Variants in CNTN3 observed in about 807,000 individuals in gnomAD.
The protein encoded by CNTN3 is contactin 3.
A neutral mutation model predicts 119.1 loss-of-function variants in CNTN3; 60 were observed. The observed-to-expected ratio is 0.50, with a 90% CI of 0.41 to 0.62. The LOEUF (loss-of-function observed/expected upper bound fraction) is 0.62. CNTN3 is among the 20% of genes least tolerant of loss of function. CNTN3 has a pLI of 0.00. For missense variants in CNTN3, 1,101 were observed against 1,242.4 expected, an observed-to-expected ratio of 0.89 and a Z score of 1.71; for synonymous variants, 450 against 438.7, an observed-to-expected ratio of 1.03 and a Z score of -0.32.
chr3:74,607,093 GA>G (rs1426288888), intron 1 of CNTN3, among the ~76,000 whole-genome samples: 84 of 152,244 alleles, frequency 5.5e-4, no homozygotes, highest in African/African-American at 2.0e-3. Context: ...CTAGTAAGAA[GA>G]GAAAAATTAA....
intron 1 of CNTN3, among the ~76,000 whole-genome samples, chr3:74,552,159 A>G (rs559155047): frequency 1.3e-5 from 2 of 152,136 alleles, no homozygotes; most frequent in African/African-American, 4.8e-5. Flanking sequence ...ATAATATTCC[A>G]CTTTATGGTT....
At chr3:74,381,718 T>C (rs1704628300) in intron 5 of CNTN3, among the ~76,000 whole-genome samples, 1 of 152,168 alleles carries the variant, frequency 6.6e-6, no homozygotes, top group Non-Finnish European at 1.5e-5. Flanking sequence ...TATCACTCTA[T>C]GACTCTGTAG....
intron 1 of CNTN3, among the ~76,000 whole-genome samples, chr3:74,545,800 T>C (rs1703906338): frequency 6.6e-6 from 1 of 152,128 alleles, no homozygotes; most frequent in Non-Finnish European, 1.5e-5. Context: ...ACTGATAAGA[T>C]TTTTAAAGAA....
chr3:74,345,894 C>A (rs1203327524), intron 11 of CNTN3, among the ~76,000 whole-genome samples: 1 of 152,134 alleles, frequency 6.6e-6, no homozygotes, highest in East Asian at 1.9e-4. Context: ...TACATTCATT[C>A]CACAAATATT....
intron 20 of CNTN3, among the ~76,000 whole-genome samples, chr3:74,273,709 G>A (rs1489037446): frequency 6.6e-6 from 1 of 152,154 alleles, no homozygotes; most frequent in Non-Finnish European, 1.5e-5. Flanking sequence ...GGCATCACAG[G>A]GATCCTTCGG....
At position 74,435,011 on chromosome 3, in the gene CNTN3, G is replaced by A. The variant is rs1408740108; in HGVS notation, c.359-10071C>T. On this transcript the variant is annotated intron_variant, in intron 4 of 22. Coordinates refer to ENST00000263665, the MANE Select transcript of CNTN3 (RefSeq NM_020872.3). ...CAGTTCCTCTTCCAACTTCCCTGTT[G>A]TTATTCTCTCAAAGACTCCCACAAC... Among the ~76,000 whole-genome samples the A allele has an allele frequency of 2.0e-5, 3 of 152,084 alleles. No individual in the cohort carries two copies. In the East Asian group the frequency reaches 5.8e-4, roughly 30 times the overall value.
In CNTN3 at chr3:74,356,042, T is replaced by C. The variant is rs186265012; in HGVS notation, c.1364+5848A>G. ...AAACCTCATGCTCATTGTGATGGTA[T>C]AAAGAAGGGGGGCCTTTGGGAAGTT... On this transcript the variant is annotated intron_variant, in intron 11 of 22. Transcript: ENST00000263665. 2.0e-4 allele frequency among the ~76,000 whole-genome samples: 30 copies of C among 152,104 alleles called. 1 individual carries two copies. Among genetic ancestry groups the C allele is most frequent in the Admixed American group, 2.0e-3 (30 of 15,286 alleles).
At chr3:74,546,958 C>T (rs1217932078) in intron 1 of CNTN3, among the ~76,000 whole-genome samples, 8 of 151,832 alleles carry the variant, frequency 5.3e-5, no homozygotes, top group African/African-American at 7.3e-5. Flanking sequence ...TTGTTGATTT[C>T]GCAAAATTAA....
At chr3:74,278,958 C>A (rs934927203) in intron 20 of CNTN3, among the ~76,000 whole-genome samples, 1 of 151,882 alleles carries the variant, frequency 6.6e-6, no homozygotes, top group South Asian at 2.1e-4. Flanking sequence ...AGGACATGAA[C>A]AGACAATTCT....
chr3:74,524,681 T>G (rs991153266), intron 1 of CNTN3, among the ~76,000 whole-genome samples: 5 of 151,810 alleles, frequency 3.3e-5, no homozygotes, highest in Non-Finnish European at 5.9e-5. Context: ...CAACTACTAC[T>G]TATCTCCATG....
rs192033539 is a variant in CNTN3 at position 74,404,728 on chromosome 3, G to C, written c.454+20117C>G. Among the ~76,000 whole-genome samples the C allele has an allele frequency of 3.0e-4, 45 of 151,968 alleles. 1 individual carries two copies. The East Asian group carries it at 8.1e-3, about 27-fold the overall frequency. ...CCTCATCTGAAAAATAAGGAAACCAGACAAGATTTTTCTACTGTGTGTTTC... is the reference window on the plus strand; with the variant it reads ...CCTCATCTGAAAAATAAGGAAACCACACAAGATTTTTCTACTGTGTGTTTC... On this transcript the variant is annotated intron_variant, in intron 5 of 22. Coordinates refer to ENST00000263665, the MANE Select transcript of CNTN3 (RefSeq NM_020872.3).
At chr3:74,608,518 C>T (rs181055735) in intron 1 of CNTN3, among the ~76,000 whole-genome samples, 1 of 152,256 alleles carries the variant, frequency 6.6e-6, no homozygotes, top group Non-Finnish European at 1.5e-5. Flanking sequence ...CCTCGGTGCT[C>T]ACAACCTTTG....
At chr3:74,355,234 C>G (rs1396827423) in intron 11 of CNTN3, among the ~76,000 whole-genome samples, 1 of 152,080 alleles carries the variant, frequency 6.6e-6, no homozygotes, top group East Asian at 1.9e-4. Context: ...TAGGATTTAT[C>G]CTCGACTCCT....
At chr3:74,564,177 A>G (rs1012254634) in intron 1 of CNTN3, among the ~76,000 whole-genome samples, 1 of 152,142 alleles carries the variant, frequency 6.6e-6, no homozygotes, top group African/African-American at 2.4e-5. Context: ...CAGCAAGGTG[A>G]TATCCAAGCT....
chr3:74,293,939 T>G (rs191668170), intron 19 of CNTN3, among the ~76,000 whole-genome samples: 298 of 152,294 alleles, frequency 2.0e-3, no homozygotes, highest in African/African-American at 6.8e-3. Flanking sequence ...TGCATTACAC[T>G]CACTAACTAT....
At chr3:74,529,071 T>C (rs574002082) in intron 1 of CNTN3, among the ~76,000 whole-genome samples, 1 of 152,046 alleles carries the variant, frequency 6.6e-6, no homozygotes, top group South Asian at 2.1e-4. Flanking sequence ...TTTATAACTA[T>C]ACAAAATAGT....
chr3:74,351,634 G>A (rs1354341297), intron 11 of CNTN3, among the ~76,000 whole-genome samples: 1 of 152,180 alleles, frequency 6.6e-6, no homozygotes, highest in African/African-American at 2.4e-5. Flanking sequence ...TATACTGCAT[G>A]CCAGTTAGGC....
chr3:74,582,619 T>C (rs542182138), intron 1 of CNTN3, among the ~76,000 whole-genome samples: 1 of 152,254 alleles, frequency 6.6e-6, no homozygotes, highest in East Asian at 1.9e-4. Context: ...CCATGCAAAT[T>C]AAAACCACAG....
chr3:74,477,588 G>A (rs572097345), intron 4 of CNTN3, among the ~76,000 whole-genome samples: 18 of 152,062 alleles, frequency 1.2e-4, no homozygotes, highest in Admixed American at 3.9e-4. Context: ...AGGGTAGTGG[G>A]GGATTAGGGG....
Sources: allele counts gnomAD v4.1 joint callset (sites outside exome capture counted in the v4.1 genomes callset), GRCh38; gene constraint gnomAD v4.1.1; transcripts MANE v1.5; gene names NCBI Gene and HGNC (gene_info 2026-07-23, HGNC 2026-07-21).